The following ANKRD26 variants were observed in gnomAD, a reference collection of about 807,000 sequenced individuals.
ANKRD26 encodes ankyrin repeat domain 26, also known as ankyrin repeat domain-containing protein 26.
A neutral mutation model predicts 208.7 loss-of-function variants in ANKRD26; 141 were observed. The observed-to-expected ratio is 0.68, with a 90% confidence interval of 0.59 to 0.78. ANKRD26 has a LOEUF of 0.78. ANKRD26 is among the 30% of genes least tolerant of loss of function. The pLI, the probability that ANKRD26 is intolerant of heterozygous loss-of-function variation, is 0.00. For missense variants in ANKRD26, 1,889 were observed against 1,938.7 expected, an observed-to-expected ratio of 0.97 and a Z score of 0.48; for synonymous variants, 636 against 660.4, an observed-to-expected ratio of 0.96 and a Z score of 0.57.
At chr10:26,972,079 C>CA (rs1364839364), downstream of ANKRD26, among the ~76,000 whole-genome samples, 20 of 151,880 alleles carry the variant, frequency 1.3e-4, no homozygotes, top group Middle Eastern at 3.4e-3. Context: ...ACTAAAAATA[C>CA]AAAAAATTAG....
Position 27,077,434 on chromosome 10 carries a change from T to C in ANKRD26, c.981A>G (p.Ser327=), listed in dbSNP as rs1353465683. ...GATGAGAAAAGCACTGGACTTTGAT[T>C]GATGTTGTAGGAAGGCTTTCAACCA... The part of the protein sequence containing the change: ...EVVVESLPTT[S]IKVQCFSHPT... Residue 327 remains serine (S), a synonymous_variant, in exon 9 of 34, where the codon TCA becomes TCG. Transcript: ENST00000376087. The C allele has an allele frequency of 1.2e-6, 2 of 1,613,938 alleles. No individual in the cohort carries two copies. Among genetic ancestry groups the C allele is most frequent in the Non-Finnish European group, 8.5e-7 (1 of 1,179,914 alleles).
chr10:27,055,035 G>A (rs566151724), intron 15 of ANKRD26, among the ~76,000 whole-genome samples: 1 of 152,134 alleles, frequency 6.6e-6, no homozygotes, highest in Non-Finnish European at 1.5e-5. Flanking sequence ...GCAGAACAAG[G>A]ATAATGCAGG....
chr10:26,964,734 G>A, the ANKRD26 span, among the ~76,000 whole-genome samples: 1 of 152,100 alleles, frequency 6.6e-6, no homozygotes, highest in African/African-American at 2.4e-5. Context: ...TTAGAGATTT[G>A]GAGTCTGGTC....
At chr10:27,094,983 G>A (rs892836148) in intron 1 of ANKRD26, among the ~76,000 whole-genome samples, 2 of 147,932 alleles carry the variant, frequency 1.4e-5, no homozygotes, top group Admixed American at 1.4e-4. Context: ...CTGGGCAACA[G>A]AGAGAGACCC....
rs199857139 is a variant in ANKRD26, at chr10:27,061,242, T to A, written c.1364A>T (p.Asp455Val). The change falls in exon 13 of 34, where the codon GAT becomes GTT. Residue 455 changes from aspartate (D) to valine (V), a missense_variant and splice_region_variant. Around this residue, in one of 3 missense-constraint regions of ANKRD26, gnomAD observed 1,272 missense variants for 1,273.8 expected, o/e 1.00. Transcript: ENST00000376087. ...EKNIGNEQAE[D>V]VFYIPSCMSG... Reference sequence around the variant, plus strand: ...CATGCAAGAAGGTATATAAAACACATCTAAGAAATAATACATAATAAGCTT... The same window carrying A: ...CATGCAAGAAGGTATATAAAACACAACTAAGAAATAATACATAATAAGCTT... 1.3e-6 allele frequency: 2 copies of A among 1,574,330 alleles called. No homozygotes were observed. The highest frequency in any genetic ancestry group is 1.7e-5 in the Admixed American group (1 of 59,858).
downstream of ANKRD26, among the ~76,000 whole-genome samples, chr10:27,002,865 C>T (rs72805460): frequency 0.093 from 14,093 of 152,182 alleles, 777 homozygotes; most frequent in East Asian, 0.28. Flanking sequence ...ACAGCACCAC[C>T]ACTACAACCA....
At chr10:26,985,147 G>A (rs1293907390) in intron 3 of ANKRD26, among the ~76,000 whole-genome samples, 1 of 152,110 alleles carries the variant, frequency 6.6e-6, no homozygotes, top group Non-Finnish European at 1.5e-5. Context: ...AATGGCAGCT[G>A]AATACTATCA....
At chr10:26,988,556 C>T (rs956769527), downstream of ANKRD26, among the ~76,000 whole-genome samples, 1 of 152,064 alleles carries the variant, frequency 6.6e-6, no homozygotes, top group Non-Finnish European at 1.5e-5. Context: ...TTACAGTCCA[C>T]GTATATCATG....
intron 5 of ANKRD26, among the ~76,000 whole-genome samples, chr10:26,978,352 AG>A (rs917578556): frequency 6.6e-6 from 1 of 152,114 alleles, no homozygotes; most frequent in Non-Finnish European, 1.5e-5. Flanking sequence ...GCTACTGGGG[AG>A]GCTGAGCTAG....
chr10:26,954,449 A>G, the ANKRD26 span, among the ~76,000 whole-genome samples: 1 of 152,154 alleles, frequency 6.6e-6, no homozygotes, highest in African/African-American at 2.4e-5. Flanking sequence ...TAGTTATTGT[A>G]TTCTTTTAAC....
At chr10:27,086,057 G>T (rs959887152) in intron 5 of ANKRD26, among the ~76,000 whole-genome samples, 6 of 152,074 alleles carry the variant, frequency 3.9e-5, no homozygotes, top group Non-Finnish European at 8.8e-5. Context: ...AGTTTTGGGG[G>T]ACTTGAAAGT....
intron 3 of ANKRD26, among the ~76,000 whole-genome samples, chr10:26,983,395 T>C (rs1022153202): frequency 1.3e-5 from 2 of 152,196 alleles, no homozygotes; most frequent in Non-Finnish European, 2.9e-5. Flanking sequence ...ACTGAGGCCA[T>C]AAATTAGTGC....
intron 5 of ANKRD26, among the ~76,000 whole-genome samples, chr10:26,994,843 G>C (rs1334977831): frequency 6.6e-6 from 1 of 152,178 alleles, no homozygotes; most frequent in Non-Finnish European, 1.5e-5. Context: ...CAGAGCAGCT[G>C]TCAGGGCCTA....
chr10:27,064,858 T>C (rs563676218), intron 11 of ANKRD26, among the ~76,000 whole-genome samples: 3 of 152,272 alleles, frequency 2.0e-5, no homozygotes, highest in South Asian at 4.1e-4. Context: ...TTCATAAAAA[T>C]AGAAGAATAA....
chr10:27,072,640 G>A (rs535262686), intron 9 of ANKRD26, among the ~76,000 whole-genome samples: 2 of 152,268 alleles, frequency 1.3e-5, no homozygotes, highest in East Asian at 3.9e-4. Flanking sequence ...TCTTTTGCAA[G>A]CGCCACCTCC....
chr10:27,078,695 ATTC>A (rs2055788051), intron 7 of ANKRD26, among the ~76,000 whole-genome samples: 1 of 152,180 alleles, frequency 6.6e-6, no homozygotes, highest in African/African-American at 2.4e-5. Context: ...AAGCTGTAAC[ATTC>A]TTACTACAGA....
At chr10:27,054,516 C>T (rs749434337) in intron 15 of ANKRD26, among the ~76,000 whole-genome samples, 49 of 152,100 alleles carry the variant, frequency 3.2e-4, no homozygotes, top group Middle Eastern at 3.4e-3. Context: ...ACCCGGGAGG[C>T]GGAGGTTGCG....
downstream of ANKRD26, among the ~76,000 whole-genome samples, chr10:26,972,781 G>C (rs1287052500): frequency 1.3e-5 from 2 of 151,844 alleles, no homozygotes; most frequent in Non-Finnish European, 2.9e-5. Context: ...TAGTAGAGAC[G>C]GGGTTTCACC....
At chr10:26,984,488 C>T (rs540627145) in intron 3 of ANKRD26, among the ~76,000 whole-genome samples, 60 of 152,298 alleles carry the variant, frequency 3.9e-4, no homozygotes, top group Non-Finnish European at 6.8e-4. Context: ...GGTATGGACC[C>T]TTCCATTGGG....
Sources: gnomAD v4.1 joint callset for allele counts (sites outside exome capture counted in the v4.1 genomes callset) on GRCh38, gnomAD v4.1.1 for gene constraint, gnomAD v4.1.1 regional missense constraint, MANE v1.5 for transcripts, NCBI Gene and HGNC (gene_info 2026-07-23, HGNC 2026-07-21) for gene names.